ARL15: variants seen among roughly 807,000 people sequenced by gnomAD.
ARL15 encodes the protein ADP-ribosylation factor-like protein 15.
Under a neutral mutation model 25.2 loss-of-function variants are expected in ARL15, and 19 were observed. The observed-to-expected ratio is 0.75, with a 90% CI of 0.53 to 1.10. The LOEUF is 1.10. ARL15 is among the 50% of genes least tolerant of loss of function. The pLI is 0.00. For synonymous variants in ARL15, 94 were observed against 86.8 expected (o/e 1.08, Z -0.46); for missense variants, 220 against 246.0 (o/e 0.89, Z 0.71).
At chr5:54,015,605 TG>T (rs1749402813) in intron 4 of ARL15, among the ~76,000 whole-genome samples, 1 of 152,214 alleles carries the variant, frequency 6.6e-6, no homozygotes, top group Non-Finnish European at 1.5e-5. Context: ...ATTCCACTAT[TG>T]ACATGGCAAA....
intron 1 of ARL15, among the ~76,000 whole-genome samples, chr5:54,200,546 A>G (rs564278481): frequency 6.4e-4 from 97 of 152,130 alleles, no homozygotes; most frequent in Admixed American, 2.4e-3. Flanking sequence ...TTACAAACCA[A>G]TTGAGGGTAC....
intron 4 of ARL15, among the ~76,000 whole-genome samples, chr5:54,075,030 C>T (rs1454363411): frequency 8.8e-6 from 1 of 114,100 alleles, no homozygotes; most frequent in Non-Finnish European, 1.7e-5. Context: ...CACAGAAAAA[C>T]CCAAAGCAGA....
intron 3 of ARL15, among the ~76,000 whole-genome samples, chr5:54,152,251 T>C (rs1754088512): frequency 6.6e-6 from 1 of 152,180 alleles, no homozygotes; most frequent in African/African-American, 2.4e-5. Context: ...TTTCAGCCAG[T>C]CATAATTCCC....
At chr5:54,058,049 A>T (rs1321357903) in intron 4 of ARL15, among the ~76,000 whole-genome samples, 1 of 147,856 alleles carries the variant, frequency 6.8e-6, no homozygotes, top group African/African-American at 2.5e-5. Context: ...CTTGTTCCCC[A>T]GGCTGGAATG....
intron 1 of ARL15, among the ~76,000 whole-genome samples, chr5:54,198,417 C>A (rs1396005349): frequency 6.6e-6 from 1 of 151,906 alleles, no homozygotes; most frequent in African/African-American, 2.4e-5. Flanking sequence ...AGCCCAAAAT[C>A]TCCTTAAGCT....
At chr5:54,164,982 C>T (rs1024417063) in intron 2 of ARL15, among the ~76,000 whole-genome samples, 5 of 151,300 alleles carry the variant, frequency 3.3e-5, no homozygotes, top group African/African-American at 1.2e-4. Flanking sequence ...TTTGATAATT[C>T]TATTTTCATC....
At chr5:53,993,002 C>T (rs191414988) in intron 4 of ARL15, among the ~76,000 whole-genome samples, 8 of 151,670 alleles carry the variant, frequency 5.3e-5, no homozygotes, top group Non-Finnish European at 1.0e-4. Context: ...GCCAAGATGG[C>T]GCCATTGCAC....
chr5:54,198,630 C>T (rs1371711070), intron 1 of ARL15, among the ~76,000 whole-genome samples: 51 of 148,808 alleles, frequency 3.4e-4, no homozygotes, highest in Non-Finnish European at 1.5e-5. Flanking sequence ...CAAACCACTG[C>T]TCAATGAAAT....
chr5:54,174,071 A>G (rs1754794561), intron 1 of ARL15, among the ~76,000 whole-genome samples: 1 of 152,138 alleles, frequency 6.6e-6, no homozygotes, highest in Admixed American at 6.5e-5. Flanking sequence ...TACACAGACA[A>G]TTGCAGTTTC....
chr5:54,281,149 T>C (rs965285504), intron 1 of ARL15, among the ~76,000 whole-genome samples: 1 of 152,316 alleles, frequency 6.6e-6, no homozygotes, highest in African/African-American at 2.4e-5. Flanking sequence ...TAACTTTTTT[T>C]TGTTTTTGAG....
At chr5:54,223,564 A>G (rs1756437089) in intron 1 of ARL15, among the ~76,000 whole-genome samples, 2 of 152,204 alleles carry the variant, frequency 1.3e-5, no homozygotes, top group African/African-American at 4.8e-5. Flanking sequence ...TCTATTAGAT[A>G]GATTATTGGG....
intron 1 of ARL15, among the ~76,000 whole-genome samples, chr5:54,247,147 T>A (rs1475093818): frequency 6.6e-6 from 1 of 152,090 alleles, no homozygotes; most frequent in Non-Finnish European, 1.5e-5. Flanking sequence ...GCCAAAGGGA[T>A]GATGCCACTG....
chr5:54,091,191 G>C (rs972875165), intron 4 of ARL15, among the ~76,000 whole-genome samples: 2 of 152,052 alleles, frequency 1.3e-5, no homozygotes, highest in Non-Finnish European at 2.9e-5. Context: ...ACCATAATTA[G>C]ATTTAATCTA....
At chr5:54,033,505 T>C (rs1460493294) in intron 4 of ARL15, among the ~76,000 whole-genome samples, 2 of 148,764 alleles carry the variant, frequency 1.3e-5, no homozygotes, top group Non-Finnish European at 3.0e-5. Flanking sequence ...CCATCTCTAC[T>C]AAAAAAAAAT....
intron 4 of ARL15, among the ~76,000 whole-genome samples, chr5:53,994,318 C>A (rs1004421737): frequency 2.6e-5 from 4 of 152,162 alleles, no homozygotes; most frequent in African/African-American, 9.7e-5. Context: ...CTACCAAATT[C>A]TTTCATCATA....
intron 1 of ARL15, among the ~76,000 whole-genome samples, chr5:54,206,834 CA>C (rs1755883639): frequency 6.6e-6 from 1 of 152,176 alleles, no homozygotes; most frequent in African/African-American, 2.4e-5. Flanking sequence ...CAGAAGTCTT[CA>C]AATGACTTCT....
chr5:54,122,591 T>C (rs1753118638), intron 3 of ARL15, among the ~76,000 whole-genome samples: 1 of 152,222 alleles, frequency 6.6e-6, no homozygotes, highest in South Asian at 2.1e-4. Flanking sequence ...TTGGTACTAT[T>C]TTTTTCAGCG....
chr5:54,160,612 A>C (rs577391104), intron 2 of ARL15, among the ~76,000 whole-genome samples: 24 of 152,332 alleles, frequency 1.6e-4, no homozygotes, highest in African/African-American at 5.5e-4. Flanking sequence ...TTCTAGACTA[A>C]GGTGCAAATT....
At chr5:53,914,662 G>A (rs191476914) in intron 4 of ARL15, among the ~76,000 whole-genome samples, 36 of 152,312 alleles carry the variant, frequency 2.4e-4, no homozygotes, top group African/African-American at 8.7e-4. Flanking sequence ...GGCGAATTCC[G>A]CATCTGGAGC....
Sources: gnomAD v4.1 joint callset for allele counts (sites outside exome capture counted in the v4.1 genomes callset) on GRCh38, gnomAD v4.1.1 for gene constraint, MANE v1.5 for transcripts, NCBI Gene and HGNC (gene_info 2026-07-23, HGNC 2026-07-21) for gene names.